The following ADGRB3 variants were observed in gnomAD, a reference collection of about 807,000 sequenced individuals.
The protein encoded by ADGRB3 is brain-specific angiogenesis inhibitor 3.
A neutral mutation model predicts 193.4 loss-of-function variants in ADGRB3; 37 were observed. The observed-to-expected ratio is 0.19, with a 90% CI of 0.15 to 0.25. ADGRB3 has a LOEUF of 0.25. Among genes scored for constraint, ADGRB3 ranks in the 10% least tolerant of loss-of-function variants. The probability of loss-of-function intolerance (pLI) is 1.00; values close to 1 mark genes in which losing one functional copy is unlikely to be tolerated. For synonymous variants in ADGRB3, 690 were observed against 644.2 expected, an observed-to-expected ratio of 1.07 and a Z score of -1.08; for missense variants, 1,637 against 1,852.9, an observed-to-expected ratio of 0.88 and a Z score of 2.14.
intron 23 of ADGRB3, among the ~76,000 whole-genome samples, chr6:69,330,894 T>A (rs1768708185): frequency 6.6e-6 from 1 of 152,194 alleles, no homozygotes; most frequent in South Asian, 2.1e-4. Context: ...TAATTTCACC[T>A]TTACACTATT....
chr6:69,187,296 A>T (rs1211210008), intron 17 of ADGRB3, among the ~76,000 whole-genome samples: 1 of 152,192 alleles, frequency 6.6e-6, no homozygotes, highest in East Asian at 1.9e-4. Flanking sequence ...ATAATATTGG[A>T]TCTAAAGTCT....
chr6:68,856,161 C>T (rs1003721249), intron 3 of ADGRB3, among the ~76,000 whole-genome samples: 6 of 152,182 alleles, frequency 3.9e-5, no homozygotes, highest in African/African-American at 1.4e-4. Flanking sequence ...TGTGAATTCT[C>T]CATTAACCCT....
intron 3 of ADGRB3, among the ~76,000 whole-genome samples, chr6:68,902,046 T>C (rs948790617): frequency 6.6e-6 from 1 of 152,130 alleles, no homozygotes; most frequent in African/African-American, 2.4e-5. Flanking sequence ...AGAGTATGGA[T>C]CACTCACTCC....
rs1767919203 is a variant in ADGRB3 at position 68,635,335 on chromosome 6, C to A, written c.-853C>A. The stretch of plus-strand genomic sequence containing the variant: ...AGAGCTTTACTATCTCGCTCCCTCT[C>A]GCGCCTCCCTCCTCGCTGGGCATTC... On this transcript the variant is annotated 5_prime_UTR_variant, in exon 1 of 32. Coordinates refer to ENST00000370598, the MANE Select transcript of ADGRB3 (RefSeq NM_001704.3). 1 of 151,916 alleles carries A rather than the reference C, an allele frequency of 6.6e-6. No individual in the cohort carries two copies. Among genetic ancestry groups the A allele is most frequent in the Non-Finnish European group, 1.5e-5 (1 of 68,038 alleles). 9.4% of individuals were successfully genotyped at this position (151,916 alleles called of 1,614,324 possible). A position where few individuals can be genotyped will look rare whatever the true frequency, so the allele number is the denominator to read the frequency against.
At chr6:69,023,957 TATTA>T (rs1283682116) in intron 13 of ADGRB3, among the ~76,000 whole-genome samples, 1 of 152,136 alleles carries the variant, frequency 6.6e-6, no homozygotes, top group Non-Finnish European at 1.5e-5. Context: ...ATTTTTGACA[TATTA>T]ATATTTAGAC....
chr6:68,847,425 A>G (rs901266853), intron 3 of ADGRB3, among the ~76,000 whole-genome samples: 6 of 152,120 alleles, frequency 3.9e-5, no homozygotes, highest in Non-Finnish European at 8.8e-5. Context: ...TCTCATCTTG[A>G]ATTGTATCTC....
chr6:68,988,646 G>T (rs3798992), intron 10 of ADGRB3, among the ~76,000 whole-genome samples: 85,540 of 151,890 alleles, frequency 0.56, 24,412 homozygotes, highest in East Asian at 0.68. Context: ...ATCAAAGCCA[G>T]AACTGTAGGA....
At chr6:68,692,498 A>G (rs1765091389) in intron 3 of ADGRB3, among the ~76,000 whole-genome samples, 1 of 151,840 alleles carries the variant, frequency 6.6e-6, no homozygotes, top group South Asian at 2.1e-4. Context: ...AAAAAGTGAG[A>G]CAATGCATTT....
intron 17 of ADGRB3, among the ~76,000 whole-genome samples, chr6:69,140,676 G>T (rs1774309265): frequency 6.6e-6 from 1 of 152,118 alleles, no homozygotes; most frequent in African/African-American, 2.4e-5. Context: ...TAACACAAAA[G>T]ATAAATGTTT....
intron 17 of ADGRB3, among the ~76,000 whole-genome samples, chr6:69,145,665 T>C (rs1187510187): frequency 2.0e-5 from 3 of 152,068 alleles, no homozygotes; most frequent in Non-Finnish European, 4.4e-5. Flanking sequence ...AGTAGCTTTA[T>C]TGAGTGATAG....
chr6:69,173,034 T>C (rs1197250494), intron 17 of ADGRB3, among the ~76,000 whole-genome samples: 2 of 152,084 alleles, frequency 1.3e-5, no homozygotes, highest in Admixed American at 6.5e-5. Context: ...TTTGTTTTTG[T>C]TTTTGTTTTT....
intron 3 of ADGRB3, among the ~76,000 whole-genome samples, chr6:68,766,992 A>G (rs190788719): frequency 7.2e-5 from 11 of 152,200 alleles, no homozygotes; most frequent in African/African-American, 2.6e-4. Flanking sequence ...CATTTTGACT[A>G]GTCATGGTCG....
intron 3 of ADGRB3, among the ~76,000 whole-genome samples, chr6:68,805,550 T>A (rs1562037048): frequency 6.6e-6 from 1 of 152,202 alleles, no homozygotes; most frequent in Non-Finnish European, 1.5e-5. Context: ...AAGGAAATTC[T>A]GGTATTCTTC....
At chr6:68,819,012 T>C (rs2127379364) in intron 3 of ADGRB3, among the ~76,000 whole-genome samples, 1 of 152,234 alleles carries the variant, frequency 6.6e-6, no homozygotes, top group Admixed American at 6.6e-5. Flanking sequence ...TTTACAGCTG[T>C]CATCTGTTGC....
At chr6:69,027,597 C>A (rs1009851482) in intron 13 of ADGRB3, among the ~76,000 whole-genome samples, 2 of 152,144 alleles carry the variant, frequency 1.3e-5, no homozygotes, top group African/African-American at 4.8e-5. Context: ...GCATGATTAT[C>A]ATCTGATGTA....
intron 15 of ADGRB3, among the ~76,000 whole-genome samples, chr6:69,060,021 G>A (rs1191891234): frequency 6.6e-6 from 1 of 152,030 alleles, no homozygotes; most frequent in African/African-American, 2.4e-5. Context: ...GACATGCGTA[G>A]AATTGATGGA....
At chr6:68,839,644 AAGAT>A (rs1458921341) in intron 3 of ADGRB3, among the ~76,000 whole-genome samples, 1 of 152,208 alleles carries the variant, frequency 6.6e-6, no homozygotes, top group Admixed American at 6.5e-5. Context: ...GAGATGGAGA[AAGAT>A]AGCCAAACAA....
rs145204880 is a variant in ADGRB3, at chr6:68,915,587, T to C, written c.758-14972T>C. Among the ~76,000 whole-genome samples the C allele has an allele frequency of 1.8e-3, 273 of 152,296 alleles. 1 individual carries two copies. Among genetic ancestry groups the C allele is most frequent in the African/African-American group, 6.4e-3 (265 of 41,574 alleles). On this transcript the variant is annotated intron_variant, in intron 3 of 31. Transcript: ENST00000370598. ...GAATTGGGATCTAAGTGTTGTTGCGTAGACAGGAGAGTGTCCTCGGCCTTT... is the reference window on the plus strand; with the variant it reads ...GAATTGGGATCTAAGTGTTGTTGCGCAGACAGGAGAGTGTCCTCGGCCTTT...
At chr6:68,781,910 T>G (rs1766861201) in intron 3 of ADGRB3, among the ~76,000 whole-genome samples, 1 of 152,086 alleles carries the variant, frequency 6.6e-6, no homozygotes, top group Admixed American at 6.6e-5. Context: ...AGAAGGGAAG[T>G]GTAGGTAATA....
Sources: gnomAD v4.1 joint callset for allele counts (sites outside exome capture counted in the v4.1 genomes callset) on GRCh38, gnomAD v4.1.1 for gene constraint, MANE v1.5 for transcripts, NCBI Gene and HGNC (gene_info 2026-07-23, HGNC 2026-07-21) for gene names.